CEP128: variants seen among roughly 807,000 people sequenced by gnomAD.
The protein encoded by CEP128 is centrosomal protein 128kDa.
In CEP128, 132 loss-of-function variants were observed where a neutral mutation model predicts 156.7. The ratio of observed to expected loss-of-function variants is 0.84; its 90% confidence interval spans 0.73 to 0.97. The LOEUF is 0.97. Ranked by LOEUF, CEP128 falls within the 50% of genes least tolerant of loss-of-function variation. The pLI is 0.00. For synonymous variants in CEP128, 469 were observed against 448.9 expected (o/e 1.04, Z -0.57); for missense variants, 1,252 against 1,281.9 (o/e 0.98, Z 0.36).
chr14:80,850,056 G>A (rs1466504423), intron 9 of CEP128, among the ~76,000 whole-genome samples: 3 of 152,032 alleles, frequency 2.0e-5, no homozygotes, highest in Admixed American at 2.0e-4. Context: ...CATAGAGGGA[G>A]GGAGGGAAGG....
intron 2 of CEP128, among the ~76,000 whole-genome samples, chr14:80,946,865 G>A (rs1424316274): frequency 6.6e-6 from 1 of 152,218 alleles, no homozygotes; most frequent in Admixed American, 6.5e-5. Context: ...GGGGTGGGAC[G>A]TGGTGGGAGG....
At chr14:80,794,964 T>C (rs1883381232) in intron 13 of CEP128, among the ~76,000 whole-genome samples, 2 of 152,222 alleles carry the variant, frequency 1.3e-5, no homozygotes. Flanking sequence ...TTGAATGCTG[T>C]ATATGAATTA....
intron 19 of CEP128, among the ~76,000 whole-genome samples, chr14:80,642,839 T>TCAGCCTCC (rs1894477995): frequency 1.3e-5 from 2 of 151,062 alleles, no homozygotes; most frequent in African/African-American, 4.9e-5. Context: ...CACTACAACC[T>TCAGCCTCC]CAGCCTCCCA....
At chr14:80,720,385 G>A (rs1656500433) in intron 19 of CEP128, among the ~76,000 whole-genome samples, 2 of 152,112 alleles carry the variant, frequency 1.3e-5, no homozygotes, top group African/African-American at 2.4e-5. Context: ...CTGCTGAGAG[G>A]TGAATGACAG....
At chr14:80,675,835 T>TC (rs905623856) in intron 19 of CEP128, among the ~76,000 whole-genome samples, 2 of 152,064 alleles carry the variant, frequency 1.3e-5, no homozygotes, top group Non-Finnish European at 1.5e-5. Flanking sequence ...GCCCCTCTAT[T>TC]CCCCCCTCAA....
chr14:80,628,627 C>G (rs975241577), intron 19 of CEP128, among the ~76,000 whole-genome samples: 2 of 152,132 alleles, frequency 1.3e-5, no homozygotes, highest in African/African-American at 2.4e-5. Flanking sequence ...TATTATAGGG[C>G]TAACTACGCT....
At chr14:80,612,267 CATCTCAGAA>C (rs1482472125) in intron 19 of CEP128, among the ~76,000 whole-genome samples, 1 of 151,948 alleles carries the variant, frequency 6.6e-6, no homozygotes, top group African/African-American at 2.4e-5. Flanking sequence ...ATGTTAAAAT[CATCTCAGAA>C]ATCTCAAAAT....
chr14:80,601,798 T>G (rs978392627), intron 19 of CEP128, among the ~76,000 whole-genome samples: 2 of 152,164 alleles, frequency 1.3e-5, no homozygotes, highest in East Asian at 3.8e-4. Context: ...AATAGAAATT[T>G]TTCAACTCTG....
chr14:80,934,210 C>G (rs956495310), intron 2 of CEP128, among the ~76,000 whole-genome samples: 1 of 152,214 alleles, frequency 6.6e-6, no homozygotes, highest in Admixed American at 6.5e-5. Flanking sequence ...CATCCTAAAA[C>G]TGCTTTACAG....
intron 21 of CEP128, among the ~76,000 whole-genome samples, chr14:80,552,570 A>G (rs888752360): frequency 3.3e-5 from 5 of 152,194 alleles, no homozygotes; most frequent in African/African-American, 1.2e-4. Context: ...TTTTTTGGTG[A>G]AATATGTCAT....
intron 19 of CEP128, among the ~76,000 whole-genome samples, chr14:80,658,566 A>G (rs1168559110): frequency 6.6e-6 from 1 of 152,190 alleles, no homozygotes; most frequent in Non-Finnish European, 1.5e-5. Context: ...ACTATATTCC[A>G]AAAACAATAC....
At chr14:80,723,795 G>C (rs1897912376) in intron 19 of CEP128, among the ~76,000 whole-genome samples, 1 of 152,138 alleles carries the variant, frequency 6.6e-6, no homozygotes, top group Non-Finnish European at 1.5e-5. Flanking sequence ...TGAGGCAATG[G>C]GAGACCATAC....
chr14:80,896,260 C>A (rs1433137584), intron 7 of CEP128, among the ~76,000 whole-genome samples: 1 of 152,148 alleles, frequency 6.6e-6, no homozygotes, highest in Non-Finnish European at 1.5e-5. Flanking sequence ...CACTAACCGA[C>A]CTCCCATTAC....
At chr14:80,820,928 A>G (rs1885131400) in intron 13 of CEP128, among the ~76,000 whole-genome samples, 1 of 152,248 alleles carries the variant, frequency 6.6e-6, no homozygotes, top group African/African-American at 2.4e-5. Context: ...TCTATGATAC[A>G]AACACATTCT....
chr14:80,572,303 G>A (rs1470486410), intron 20 of CEP128, among the ~76,000 whole-genome samples: 2 of 152,160 alleles, frequency 1.3e-5, no homozygotes, highest in East Asian at 1.9e-4. Context: ...TGTATTATTA[G>A]TACTTAGGAT....
intron 13 of CEP128, among the ~76,000 whole-genome samples, chr14:80,808,978 C>T (rs558911334): frequency 4.6e-5 from 7 of 152,118 alleles, no homozygotes; most frequent in Non-Finnish European, 1.0e-4. Flanking sequence ...AAATACAACA[C>T]CTTCAAAGGA....
chr14:80,504,305 T>C (rs1029378958), intron 24 of CEP128, among the ~76,000 whole-genome samples: 1 of 152,116 alleles, frequency 6.6e-6, no homozygotes, highest in Non-Finnish European at 1.5e-5. Flanking sequence ...ACACTGTGGG[T>C]GCTCATAACA....
At chr14:80,656,225 G>T (rs1158347675) in intron 19 of CEP128, among the ~76,000 whole-genome samples, 2 of 134,320 alleles carry the variant, frequency 1.5e-5, no homozygotes, top group East Asian at 4.6e-4. Context: ...AGAAAAAAAG[G>T]TCAATTGAAA....
Position 80,891,941 on chromosome 14 carries a change from A to C in CEP128, c.645+3777T>G, listed in dbSNP as rs1425299639. Among the ~76,000 whole-genome samples, 12 of 151,984 alleles carry C rather than the reference A, an allele frequency of 7.9e-5. No homozygotes were observed. The South Asian group carries it at 2.1e-3, about 26-fold the overall frequency. Reference sequence around the variant, plus strand: ...AAATAATGAAAAAATAAATGAAAAGATATTCCATCCTCATGAATCAGAAGA... The same window carrying C: ...AAATAATGAAAAAATAAATGAAAAGCTATTCCATCCTCATGAATCAGAAGA... On this transcript the variant is annotated intron_variant, in intron 8 of 24. Coordinates refer to ENST00000555265, the MANE Select transcript of CEP128 (RefSeq NM_152446.5).
Sources: gnomAD v4.1 joint callset for allele counts (sites outside exome capture counted in the v4.1 genomes callset) on GRCh38, gnomAD v4.1.1 for gene constraint, MANE v1.5 for transcripts, NCBI Gene and HGNC (gene_info 2026-07-23, HGNC 2026-07-21) for gene names.